Variants in ADK observed in about 807,000 individuals in gnomAD.
The protein encoded by ADK is adenosine kinase.
In ADK, 24 loss-of-function variants were observed where a neutral mutation model predicts 44.7. The ratio of observed to expected loss-of-function variants is 0.54; its 90% CI spans 0.39 to 0.76. The LOEUF (loss-of-function observed/expected upper bound fraction) is 0.76. ADK is among the 30% of genes least tolerant of loss of function. ADK has a pLI of 0.00. For missense variants in ADK, 321 were observed against 425.1 expected, an observed-to-expected ratio of 0.76 and a Z score of 2.15; for synonymous variants, 128 against 142.6, an observed-to-expected ratio of 0.90 and a Z score of 0.73.
intron 4 of ADK, among the ~76,000 whole-genome samples, chr10:74,340,147 T>G (rs1415972457): frequency 1.3e-5 from 2 of 152,218 alleles, no homozygotes; most frequent in Admixed American, 6.5e-5. Flanking sequence ...AAATTGGTTT[T>G]AGTTTGATTT....
chr10:74,207,315 G>A (rs925560132), intron 2 of ADK, among the ~76,000 whole-genome samples: 1 of 152,210 alleles, frequency 6.6e-6, no homozygotes, highest in African/African-American at 2.4e-5. Context: ...CAGAAGGGCT[G>A]CAGCTCTTCT....
intron 3 of ADK, among the ~76,000 whole-genome samples, chr10:74,290,078 G>GCGCACACA (rs113592873): frequency 0.057 from 8,468 of 149,040 alleles, 246 homozygotes; most frequent in East Asian, 0.11. Flanking sequence ...CTACTCACGC[G>GCGCACACA]CACACACACA....
chr10:74,636,203 G>T (rs1159591279), intron 9 of ADK, among the ~76,000 whole-genome samples: 4 of 152,056 alleles, frequency 2.6e-5, no homozygotes, highest in Non-Finnish European at 5.9e-5. Flanking sequence ...TCCAGAAAAT[G>T]TAAGTATTCC....
intron 6 of ADK, among the ~76,000 whole-genome samples, chr10:74,513,018 A>G (rs113635227): frequency 1.3e-5 from 2 of 151,968 alleles, no homozygotes; most frequent in African/African-American, 2.4e-5. Context: ...TTCTTTATCC[A>G]TTGGTCATTC....
Position 74,670,198 on chromosome 10 carries a change from C to CT in ADK, c.897dup (p.Ala300CysfsTer12). 6.2e-7 allele frequency: 1 copy of CT among 1,613,828 alleles called. No homozygotes were observed. The highest frequency in any genetic ancestry group is 8.5e-7 in the Non-Finnish European group (1 of 1,179,840). On this transcript the variant is annotated frameshift_variant, in exon 10 of 11. Transcript: ENST00000539909. LOFTEE classifies it high-confidence loss of function. ...CTAATTGCAGAAAGTGAAGTCACTG[C>CT]TTTTGCTGTCTTGGATCAAGACCAG...
intron 1 of ADK, among the ~76,000 whole-genome samples, chr10:74,185,599 G>A (rs190920213): frequency 1.3e-5 from 2 of 150,360 alleles, no homozygotes; most frequent in African/African-American, 4.9e-5. Flanking sequence ...TTGGGAGGCC[G>A]AGGCGGGTAG....
intron 6 of ADK, among the ~76,000 whole-genome samples, chr10:74,510,524 T>C (rs1021247293): frequency 3.3e-5 from 5 of 152,240 alleles, no homozygotes; most frequent in Non-Finnish European, 7.3e-5. Context: ...CTTTTCACTC[T>C]ATTGATTGTT....
intron 6 of ADK, among the ~76,000 whole-genome samples, chr10:74,435,355 T>G (rs1405439606): frequency 6.6e-6 from 1 of 152,186 alleles, no homozygotes; most frequent in Non-Finnish European, 1.5e-5. Flanking sequence ...GACATATGGT[T>G]GGTATAATTC....
intron 9 of ADK, among the ~76,000 whole-genome samples, chr10:74,666,064 G>A (rs1854947765): frequency 6.6e-6 from 1 of 152,148 alleles, no homozygotes; most frequent in Admixed American, 6.5e-5. Flanking sequence ...GTTTGGCATT[G>A]AGTAACTGGA....
chr10:74,337,607 C>G (rs1244405543), intron 4 of ADK, among the ~76,000 whole-genome samples: 2 of 152,138 alleles, frequency 1.3e-5, no homozygotes, highest in Non-Finnish European at 2.9e-5. Flanking sequence ...AAAGACATTT[C>G]TAAGTAAATT....
intron 4 of ADK, among the ~76,000 whole-genome samples, chr10:74,361,043 G>A (rs1392473375): frequency 6.6e-6 from 1 of 152,108 alleles, no homozygotes; most frequent in Non-Finnish European, 1.5e-5. Context: ...AAGTAGCTGG[G>A]ACTACAGGCG....
chr10:74,468,219 C>T (rs1846429886), intron 6 of ADK, among the ~76,000 whole-genome samples: 1 of 152,150 alleles, frequency 6.6e-6, no homozygotes, highest in South Asian at 2.1e-4. Flanking sequence ...TTCGTAAAGA[C>T]AAAGGCTATG....
chr10:74,485,940 T>G (rs1244159785), intron 6 of ADK, among the ~76,000 whole-genome samples: 1 of 152,186 alleles, frequency 6.6e-6, no homozygotes, highest in African/African-American at 2.4e-5. Flanking sequence ...AACTCATTTT[T>G]ATATGTTTTT....
In ADK at chr10:74,184,501, TTGTGTGTGTGTGTGTGTG is replaced by T. The variant is rs67693938; in HGVS notation, c.66-16237_66-16220del. On this transcript the variant is annotated intron_variant, in intron 1 of 10. Transcript: ENST00000539909. The stretch of plus-strand genomic sequence containing the variant: ...ACACACCACCATGCCTGGCTATATT[TTGTGTGTGTGTGTGTGTG>T]TGTGTGTGTGTGTGTGTGTGTGTGT... 2.8e-3 allele frequency among the ~76,000 whole-genome samples: 388 copies of T among 138,510 alleles called. 2 individuals carry two copies. Among genetic ancestry groups the T allele is most frequent in the Non-Finnish European group, 3.5e-3 (229 of 64,558 alleles). 90.9% of individuals were successfully genotyped at this position (138,510 alleles called of 152,430 possible).
intron 3 of ADK, among the ~76,000 whole-genome samples, chr10:74,252,587 T>A (rs1051278723): frequency 6.6e-6 from 1 of 152,150 alleles, no homozygotes; most frequent in African/African-American, 2.4e-5. Flanking sequence ...AGAAAACAGA[T>A]CTTATATATG....
chr10:74,190,986 T>TA (rs1334608406), intron 1 of ADK, among the ~76,000 whole-genome samples: 1 of 151,176 alleles, frequency 6.6e-6, no homozygotes, highest in African/African-American at 2.4e-5. Flanking sequence ...TTTGACTTTT[T>TA]TTTTTTTTTT....
At chr10:74,416,570 G>GTTT (rs5786146) in intron 6 of ADK, among the ~76,000 whole-genome samples, 1 of 147,172 alleles carries the variant, frequency 6.8e-6, no homozygotes, top group Non-Finnish European at 1.5e-5. Flanking sequence ...TTTTGTTTCT[G>GTTT]TTTTTTTTTT....
chr10:74,425,368 C>A (rs183052605), intron 6 of ADK, among the ~76,000 whole-genome samples: 2 of 152,188 alleles, frequency 1.3e-5, no homozygotes, highest in Admixed American at 1.3e-4. Context: ...TCAACTCTTA[C>A]ACTAAACATG....
chr10:74,357,331 A>C (rs1842178651), intron 4 of ADK, among the ~76,000 whole-genome samples: 1 of 151,882 alleles, frequency 6.6e-6, no homozygotes, highest in Admixed American at 6.6e-5. Context: ...GTTGAGACAG[A>C]ATTTTGCTGT....
Sources: gnomAD v4.1 joint callset for allele counts (sites outside exome capture counted in the v4.1 genomes callset) on GRCh38, gnomAD v4.1.1 for gene constraint, MANE v1.5 for transcripts, NCBI Gene and HGNC (gene_info 2026-07-23, HGNC 2026-07-21) for gene names.